Variants in IL22RA1 observed in about 807,000 individuals in gnomAD.
IL22RA1 encodes interleukin 22 receptor subunit alpha 1.
Under a neutral mutation model 32.8 loss-of-function variants are expected in IL22RA1, and 25 were observed. That is an observed-to-expected ratio of 0.76 (90% CI 0.55 to 1.06). IL22RA1 has a LOEUF of 1.06. Among genes scored for constraint, IL22RA1 ranks in the 50% least tolerant of loss-of-function variants. IL22RA1 has a pLI of 0.00. For synonymous variants in IL22RA1, 305 were observed against 305.0 expected, an observed-to-expected ratio of 1.00 and a Z score of 0.00; for missense variants, 709 against 727.4, an observed-to-expected ratio of 0.97 and a Z score of 0.29.
chr1:24,122,106 T>C (rs1245517372), intron 6 of IL22RA1, among the ~76,000 whole-genome samples: 1 of 152,184 alleles, frequency 6.6e-6, no homozygotes, highest in East Asian at 1.9e-4. Context: ...GAGGGCCTAA[T>C]ACAGGGTCAG....
In IL22RA1 at chr1:24,143,091, G is replaced by A; in HGVS notation, c.-9C>T. On this transcript the variant is annotated 5_prime_UTR_variant, in exon 1 of 7. Coordinates refer to ENST00000270800, the MANE Select transcript of IL22RA1 (RefSeq NM_021258.4). ...GTCAGCAGCGTCCTCATCGGGGCTG[G>A]CACAGAGCCCTCCCTTGGCCTCTAC... 2.2e-5 allele frequency: 36 copies of A among 1,605,792 alleles called. No homozygotes were observed. Among genetic ancestry groups the A allele is most frequent in the Non-Finnish European group, 3.1e-5 (36 of 1,175,498 alleles).
intron 4 of IL22RA1, among the ~76,000 whole-genome samples, chr1:24,130,676 C>T (rs571877109): frequency 6.6e-6 from 1 of 152,280 alleles, no homozygotes; most frequent in South Asian, 2.1e-4. Flanking sequence ...GTGACTGACC[C>T]TGATGACCAA....
intron 4 of IL22RA1, among the ~76,000 whole-genome samples, chr1:24,129,126 C>T (rs1482463784): frequency 6.6e-6 from 1 of 152,230 alleles, no homozygotes; most frequent in African/African-American, 2.4e-5. Flanking sequence ...CAGAACTCCT[C>T]TCCCATGGCT....
At chr1:24,123,532 G>A (rs1234884209) in intron 5 of IL22RA1, 109 bp from the exon 6 acceptor site, 2 of 1,534,062 alleles carry the variant, frequency 1.3e-6, no homozygotes, top group East Asian at 2.4e-5. Context: ...GGCTGGGCTG[G>A]CAAGGCCTCT....
chr1:24,131,517 A>T (rs1460030317), intron 4 of IL22RA1, among the ~76,000 whole-genome samples: 1 of 152,240 alleles, frequency 6.6e-6, no homozygotes, highest in Non-Finnish European at 1.5e-5. Flanking sequence ...GACTACAAAT[A>T]AAAAGGAACA....
intron 3 of IL22RA1, 113 bp from the exon 4 acceptor site, chr1:24,134,499 G>A: frequency 1.4e-6 from 1 of 709,798 alleles, no homozygotes; most frequent in Non-Finnish European, 2.1e-6. Context: ...CCACTCCAGT[G>A]CCAGCTATGC....
At chr1:24,126,344 T>G (rs1365022466) in intron 5 of IL22RA1, among the ~76,000 whole-genome samples, 1 of 152,254 alleles carries the variant, frequency 6.6e-6, no homozygotes, top group Non-Finnish European at 1.5e-5. Flanking sequence ...GTGGGCTGTT[T>G]GGAAAAGTGA....
chr1:24,134,302 C>A lies in IL22RA1; in HGVS notation c.440G>T (p.Arg147Leu), dbSNP rs768975521. Residue 147 changes from arginine (R) to leucine (L), a missense_variant, in exon 4 of 7, where the codon CGT becomes CTT. By Grantham distance (102) the Arg-to-Leu change is moderately radical. Transcript: ENST00000270800. The stretch of plus-strand genomic sequence containing the variant: ...GGTTAGCCGGTGGCCATCGCCTGCA[C>A]GGATTGGCGTGGGGGTAGGATGAAC... Reference protein sequence around the residue: ...MIVHPTPTPIRAGDGHRLTLE... With the variant: ...MIVHPTPTPILAGDGHRLTLE... 1 of 1,608,338 alleles carries A rather than the reference C, an allele frequency of 6.2e-7. No homozygotes were observed. Among genetic ancestry groups the A allele is most frequent in the Non-Finnish European group, 8.5e-7 (1 of 1,177,134 alleles).
intron 3 of IL22RA1, chr1:24,134,797 G>C: frequency 1.0e-6 from 1 of 960,936 alleles, no homozygotes; most frequent in Non-Finnish European, 1.2e-6. Flanking sequence ...AATGTTTGGG[G>C]CCTAATACTA....
Position 24,121,477 on chromosome 1 carries a change from A to G in IL22RA1, c.1053T>C (p.Tyr351=), listed in dbSNP as rs1429223079. The stretch of plus-strand genomic sequence containing the variant: ...CGACCTCAGGGGCAGCGTTTGGGGC[A>G]TAGGACAGTGGGGAGAGGATCTGGG... ...PPPQILSPLS[Y]APNAAPEVGP... is the part of the protein sequence containing the mutation. The change falls in exon 7 of 7, where the codon TAT becomes TAC. Residue 351 remains tyrosine, a synonymous_variant. Transcript: ENST00000270800. The G allele has an allele frequency of 6.4e-7, 1 of 1,560,446 alleles. No individual in the cohort carries two copies. The highest frequency in any genetic ancestry group is 8.7e-7 in the Non-Finnish European group (1 of 1,150,574).
intron 5 of IL22RA1, among the ~76,000 whole-genome samples, chr1:24,123,969 C>A (rs1283407147): frequency 6.6e-6 from 1 of 152,070 alleles, no homozygotes; most frequent in East Asian, 1.9e-4. Context: ...TGAGGAAGTA[C>A]CCCCAAAAGA....
chr1:24,125,537 A>G (rs1644155190), intron 5 of IL22RA1, among the ~76,000 whole-genome samples: 1 of 152,198 alleles, frequency 6.6e-6, no homozygotes, highest in South Asian at 2.1e-4. Context: ...GGCAGGATGC[A>G]TCACTCTGAA....
In IL22RA1 at chr1:24,120,933, G is replaced by C; in HGVS notation, c.1597C>G (p.Leu533Val). The C allele has an allele frequency of 6.2e-7, 1 of 1,614,256 alleles. No homozygotes were observed. Among genetic ancestry groups the C allele is most frequent in the Non-Finnish European group, 8.5e-7 (1 of 1,180,044 alleles). The part of the protein sequence containing the change: ...SDQGPSPWGL[L>V]ESLVCPKDEA... ...TCCTTGGGACACACAAGGGACTCCA[G>C]CAGGCCCCAGGGACTTGGACCTTGG... is the stretch of plus-strand genomic sequence containing the variant. Residue 533 changes from leucine (L) to valine (V), a missense_variant, in exon 7 of 7, where the codon CTG becomes GTG. Coordinates refer to ENST00000270800, the MANE Select transcript of IL22RA1 (RefSeq NM_021258.4).
chr1:24,121,842 G>T, intron 6 of IL22RA1, 105 bp from the exon 7 acceptor site: 1 of 837,402 alleles, frequency 1.2e-6, no homozygotes, highest in Non-Finnish European at 1.7e-6. Context: ...GCATCTGGGG[G>T]CTTTTTCAAG....
At chr1:24,138,513 A>C in intron 2 of IL22RA1, 69 bp downstream of exon 2, 1 of 1,555,832 alleles carries the variant, frequency 6.4e-7, no homozygotes, top group Non-Finnish European at 8.8e-7. Flanking sequence ...TATGGAGAGG[A>C]GGGGAATTCC....
intron 4 of IL22RA1, among the ~76,000 whole-genome samples, chr1:24,133,026 A>G (rs1273914654): frequency 2.0e-5 from 3 of 151,614 alleles, no homozygotes; most frequent in African/African-American, 7.3e-5. Context: ...GACAATGGAG[A>G]TGATAGAACC....
rs556183942 is a variant in IL22RA1, at chr1:24,137,279, C to G, written c.207G>C (p.Lys69Asn). The G allele has an allele frequency of 1.9e-6, 3 of 1,614,138 alleles. No individual in the cohort carries two copies. In the East Asian group the frequency reaches 6.7e-5, roughly 36 times the overall value. The part of the protein sequence containing the change: ...TYGERDWVAK[K>N]GCQRITRKSC... ...ACTTCCGGGTGATCCGCTGACAGCCCTTCTTTGCCACCCAGTCCCTCTCTC... is the reference window on the plus strand; with the variant it reads ...ACTTCCGGGTGATCCGCTGACAGCCGTTCTTTGCCACCCAGTCCCTCTCTC... The change falls in exon 3 of 7, where the codon AAG becomes AAC. Residue 69 changes from lysine (K) to asparagine (N), a missense_variant. By Grantham distance (94) the Lys-to-Asn change is moderately conservative. Transcript: ENST00000270800.
At chr1:24,137,385 C>A in intron 2 of IL22RA1, 76 bp from the exon 3 acceptor site, 1 of 1,343,530 alleles carries the variant, frequency 7.4e-7, no homozygotes, top group Non-Finnish European at 1.0e-6. Context: ...TTAATAATGC[C>A]AAGGAGATCT....
chr1:24,141,518 C>A (rs140433321), intron 1 of IL22RA1, among the ~76,000 whole-genome samples: 102 of 152,214 alleles, frequency 6.7e-4, no homozygotes, highest in Non-Finnish European at 1.2e-3. Flanking sequence ...GAGGTGGGGG[C>A]ATGTTGCCAA....
Sources: allele counts gnomAD v4.1 joint callset (sites outside exome capture counted in the v4.1 genomes callset), GRCh38; gene constraint gnomAD v4.1.1; transcripts MANE v1.5; gene names NCBI Gene and HGNC (gene_info 2026-07-23, HGNC 2026-07-21).